The following NEO1 variants were observed in gnomAD, a reference collection of about 807,000 sequenced individuals.
NEO1 encodes neogenin 1.
Under a neutral mutation model 159.7 loss-of-function variants are expected in NEO1, and 63 were observed. The ratio of observed to expected loss-of-function variants is 0.39; its 90% CI spans 0.32 to 0.49. The LOEUF (loss-of-function observed/expected upper bound fraction) is 0.49, where lower values mean the gene tolerates loss of function less well. Ranked by LOEUF, NEO1 falls within the 20% of genes least tolerant of loss-of-function variation. NEO1 has a pLI of 0.85. For missense variants in NEO1, 1,615 were observed against 1,831.0 expected, an observed-to-expected ratio of 0.88 and a Z score of 2.15; for synonymous variants, 633 against 662.0, an observed-to-expected ratio of 0.96 and a Z score of 0.67.
chr15:73,181,561 A>G (rs554413482), intron 7 of NEO1, among the ~76,000 whole-genome samples: 3 of 152,182 alleles, frequency 2.0e-5, no homozygotes, highest in East Asian at 3.9e-4. Flanking sequence ...GAAGCTTCCA[A>G]TCATGGTGGA....
chr15:73,264,080 G>A (rs553557832), intron 15 of NEO1, among the ~76,000 whole-genome samples: 3 of 152,118 alleles, frequency 2.0e-5, no homozygotes, highest in East Asian at 1.9e-4. Flanking sequence ...CCAGCTACTC[G>A]GGAGGCTGAG....
At chr15:73,112,584 G>A (rs1204926391) in intron 1 of NEO1, among the ~76,000 whole-genome samples, 1 of 151,858 alleles carries the variant, frequency 6.6e-6, no homozygotes, top group Non-Finnish European at 1.5e-5. Flanking sequence ...TTATAGGCCT[G>A]GAATACATTT....
At chr15:73,249,335 A>G in intron 10 of NEO1, 127 bp downstream of exon 10, 1 of 1,144,216 alleles carries the variant, frequency 8.7e-7, no homozygotes, top group Non-Finnish European at 1.2e-6. Context: ...TGAAAAGTTG[A>G]CAGATTCTAT....
intron 1 of NEO1, among the ~76,000 whole-genome samples, chr15:73,088,066 C>T (rs1040748260): frequency 5.3e-5 from 8 of 151,778 alleles, no homozygotes; most frequent in South Asian, 2.1e-4. Flanking sequence ...AGTATATATA[C>T]GTTTTTACTC....
chr15:73,196,180 G>A (rs920203455), intron 7 of NEO1, among the ~76,000 whole-genome samples: 4 of 152,160 alleles, frequency 2.6e-5, no homozygotes, highest in Non-Finnish European at 4.4e-5. Flanking sequence ...TGGTAGGTGC[G>A]TCATTAACAT....
At chr15:73,184,594 G>A (rs892982409) in intron 7 of NEO1, among the ~76,000 whole-genome samples, 1 of 152,102 alleles carries the variant, frequency 6.6e-6, no homozygotes, top group Non-Finnish European at 1.5e-5. Context: ...ATAAACCGTT[G>A]TACATCTAGA....
At chr15:73,255,591 T>G (rs527439075) in intron 13 of NEO1, 1 of 152,370 alleles carries the variant, frequency 6.6e-6, no homozygotes, top group South Asian at 2.1e-4. Context: ...CAAGCTGTCC[T>G]TGTTCCATTG....
chr15:73,284,452 A>G (rs963765369), intron 23 of NEO1, among the ~76,000 whole-genome samples: 1 of 152,020 alleles, frequency 6.6e-6, no homozygotes, highest in Non-Finnish European at 1.5e-5. Flanking sequence ...AAGTTATGTG[A>G]TATTTTAAAT....
At chr15:73,132,215 T>C (rs2031223096) in intron 4 of NEO1, among the ~76,000 whole-genome samples, 1 of 152,238 alleles carries the variant, frequency 6.6e-6, no homozygotes, top group Admixed American at 6.5e-5. Context: ...CTCCTTACCT[T>C]CTTTATCCAA....
intron 1 of NEO1, among the ~76,000 whole-genome samples, chr15:73,055,669 G>T (rs1404332704): frequency 6.6e-6 from 1 of 152,060 alleles, no homozygotes; most frequent in East Asian, 1.9e-4. Context: ...ACTGAAGTCC[G>T]AAGTTAAACT....
At chr15:73,274,149 A>G in intron 20 of NEO1, 144 bp downstream of exon 20, 1 of 818,132 alleles carries the variant, frequency 1.2e-6, no homozygotes, top group Non-Finnish European at 1.9e-6. Flanking sequence ...GATTTATCCC[A>G]GAATGATTCC....
chr15:73,068,722 GT>G (rs1247560492), intron 1 of NEO1, among the ~76,000 whole-genome samples: 1 of 152,104 alleles, frequency 6.6e-6, no homozygotes, highest in Admixed American at 6.5e-5. Flanking sequence ...AAGATAAGGT[GT>G]TGGTGGGCAT....
At chr15:73,207,722 C>G (rs1177819360) in intron 7 of NEO1, among the ~76,000 whole-genome samples, 4 of 152,036 alleles carry the variant, frequency 2.6e-5, no homozygotes, top group Non-Finnish European at 4.4e-5. Flanking sequence ...CCCAGCATTC[C>G]CCAGCATGTA....
In NEO1 at chr15:73,126,440, G is replaced by T; in HGVS notation, c.748G>T (p.Val250Leu). 2 of 1,602,544 alleles carry T rather than the reference G, an allele frequency of 1.2e-6. No individual in the cohort carries two copies. Among genetic ancestry groups the T allele is most frequent in the Non-Finnish European group, 1.7e-6 (2 of 1,175,746 alleles). ...AGATCCTGAGGTGATATCAGACTTGGTATTTTTGAAACAGCCTTCTCCCTT... is the reference window on the plus strand; with the variant it reads ...AGATCCTGAGGTGATATCAGACTTGTTATTTTTGAAACAGCCTTCTCCCTT... Reference protein sequence around the residue: ...LPDPEVISDLVFLKQPSPLVR... With the variant: ...LPDPEVISDLLFLKQPSPLVR... The change falls in exon 4 of 29, where the codon GTA (valine) becomes TTA (leucine). Residue 250 changes from valine (V) to leucine (L), a missense_variant. Physicochemically the swap from Val to Leu is conservative, Grantham distance 32. Around this residue, in one of 3 missense-constraint regions of NEO1, gnomAD observed 1,018 missense variants for 1,115.4 expected, o/e 0.91. Transcript: ENST00000261908.
chr15:73,260,978 C>T (rs2040592962), intron 15 of NEO1, among the ~76,000 whole-genome samples: 1 of 152,080 alleles, frequency 6.6e-6, no homozygotes, highest in African/African-American at 2.4e-5. Context: ...TGGTGTTTCC[C>T]CAGTGGTGAT....
At chr15:73,256,473 C>G (rs1567617319) in intron 13 of NEO1, among the ~76,000 whole-genome samples, 1 of 152,212 alleles carries the variant, frequency 6.6e-6, no homozygotes, top group East Asian at 1.9e-4. Flanking sequence ...GCACTCCAGC[C>G]TGGACAACAG....
At chr15:73,214,749 T>C (rs1359166598) in intron 7 of NEO1, among the ~76,000 whole-genome samples, 1 of 152,216 alleles carries the variant, frequency 6.6e-6, no homozygotes, top group Non-Finnish European at 1.5e-5. Context: ...TTGCTTTGGC[T>C]ATGTGGGCTT....
At chr15:73,258,709 A>T in intron 13 of NEO1, 57 bp from the exon 14 acceptor site, 1 of 1,417,660 alleles carries the variant, frequency 7.1e-7, no homozygotes, top group Non-Finnish European at 1.0e-6. Context: ...GGGATTATTA[A>T]TCTTTTGTTT....
At chr15:73,164,549 G>A (rs1031748190) in intron 5 of NEO1, among the ~76,000 whole-genome samples, 1 of 152,128 alleles carries the variant, frequency 6.6e-6, no homozygotes, top group Admixed American at 6.6e-5. Context: ...GCTAGGACGT[G>A]CAGTAGAATG....
Sources: gnomAD v4.1 joint callset for allele counts (sites outside exome capture counted in the v4.1 genomes callset) on GRCh38, gnomAD v4.1.1 for gene constraint, gnomAD v4.1.1 regional missense constraint, MANE v1.5 for transcripts, NCBI Gene and HGNC (gene_info 2026-07-23, HGNC 2026-07-21) for gene names.